HMSD: variants seen among roughly 807,000 people sequenced by gnomAD.
The protein encoded by HMSD is histocompatibility minor serpin domain containing.
A neutral mutation model predicts 10.0 loss-of-function variants in HMSD; 13 were observed. The ratio of observed to expected loss-of-function variants is 1.31; its 90% confidence interval spans 0.85 to 2.08. The LOEUF is 2.08. HMSD is among the 30% of genes most tolerant of loss of function. The probability of loss-of-function intolerance (pLI) is 0.00; values close to 1 mark genes in which losing one functional copy is unlikely to be tolerated. For missense variants in HMSD, 169 were observed against 166.3 expected (o/e 1.02, Z -0.09); for synonymous variants, 51 against 54.2 (o/e 0.94, Z 0.26).
chr18:63,955,728 C>G (rs572354972), intron 3 of HMSD, among the ~76,000 whole-genome samples: 1 of 152,006 alleles, frequency 6.6e-6, no homozygotes, highest in Non-Finnish European at 1.5e-5. Flanking sequence ...CCCTGAAAGC[C>G]GATCATCTGA....
At chr18:63,949,962 A>C (rs1172617258) in intron 1 of HMSD, among the ~76,000 whole-genome samples, 1 of 152,214 alleles carries the variant, frequency 6.6e-6, no homozygotes, top group African/African-American at 2.4e-5. Context: ...GTTGCCAGAA[A>C]GCAAAAGTGT....
chr18:63,964,411 C>T (rs973221849), downstream of HMSD, among the ~76,000 whole-genome samples: 51 of 152,088 alleles, frequency 3.4e-4, no homozygotes, highest in African/African-American at 1.2e-3. Flanking sequence ...ATGGTGGCAC[C>T]TGCCTATAGT....
chr18:63,963,101 C>CT (rs1187189535), downstream of HMSD, among the ~76,000 whole-genome samples: 1 of 132,934 alleles, frequency 7.5e-6, no homozygotes, highest in South Asian at 2.2e-4. Context: ...TTCTTTCTTT[C>CT]TTTCTTTCTT....
Position 63,953,513 on chromosome 18 carries a change from G to C in HMSD, c.58G>C (p.Ala20Pro). ...VFMGAKGNTA[A>P]QMSQALCFSK... ...CATGGGGGCAAAGGGAAACACTGCA[G>C]CTCAGATGTCTCAGGTACGTAAAGC... is the stretch of plus-strand genomic sequence containing the variant. The change falls in exon 2 of 4, where the codon GCT (alanine) becomes CCT (proline). Residue 20 changes from alanine to proline, a missense_variant. Ala to Pro is a conservative substitution (Grantham distance 27). Transcript: ENST00000408945. 6.2e-7 allele frequency: 1 copy of C among 1,613,696 alleles called. No individual in the cohort carries two copies. Among genetic ancestry groups the C allele is most frequent in the South Asian group, 1.1e-5 (1 of 91,064 alleles).
At chr18:63,956,480 C>T (rs2050359196) in intron 3 of HMSD, among the ~76,000 whole-genome samples, 1 of 152,078 alleles carries the variant, frequency 6.6e-6, no homozygotes, top group African/African-American at 2.4e-5. Context: ...CCTAGGAAAA[C>T]ATTGCCAACA....
intron 1 of HMSD, among the ~76,000 whole-genome samples, chr18:63,949,768 G>A (rs571268108): frequency 6.6e-6 from 1 of 152,312 alleles, no homozygotes; most frequent in African/African-American, 2.4e-5. Flanking sequence ...GCGCTGGAAG[G>A]GGCTGTGAGG....
rs986953537 is a variant in HMSD at position 63,961,830 on chromosome 18, A to G, written c.*1475A>G. The G allele has an allele frequency of 6.6e-6, 1 of 152,170 alleles. No individual in the cohort carries two copies. Among genetic ancestry groups the G allele is most frequent in the African/African-American group, 2.4e-5 (1 of 41,428 alleles). 9.4% of individuals were successfully genotyped at this position (152,170 alleles called of 1,614,324 possible). Reference sequence around the variant, plus strand: ...AGTTGTGACTAATAAACTGCCGCCAATTTCATCTGTCCAGTGTGTCATGCC... The same window carrying G: ...AGTTGTGACTAATAAACTGCCGCCAGTTTCATCTGTCCAGTGTGTCATGCC... On this transcript the variant is annotated 3_prime_UTR_variant, in exon 4 of 4. Transcript: ENST00000408945.
Position 63,960,138 on chromosome 18 carries a change from A to T in HMSD, c.223-20A>T. On this transcript the variant is annotated intron_variant, in intron 3 of 3. Coordinates refer to ENST00000408945, the MANE Select transcript of HMSD (RefSeq NM_001123366.2). ...TAGTTGTTTCTGTAGCTGTGAAATT[A>T]TGTTTTTGGTTTTTCCTAGGGTTTT... 1 of 1,604,848 alleles carries T rather than the reference A, an allele frequency of 6.2e-7. No individual in the cohort carries two copies. The highest frequency in any genetic ancestry group is 8.5e-7 in the Non-Finnish European group (1 of 1,176,388).
At chr18:63,949,480 C>G (rs1410979749) in intron 1 of HMSD, 80 bp downstream of exon 1, 1 of 152,342 alleles carries the variant, frequency 6.6e-6, no homozygotes, top group Non-Finnish European at 1.5e-5. Flanking sequence ...AGGGCGGGAA[C>G]CTACGAAAGG....
At chr18:63,959,786 C>T (rs919284244) in intron 3 of HMSD, among the ~76,000 whole-genome samples, 1 of 152,044 alleles carries the variant, frequency 6.6e-6, no homozygotes, top group Non-Finnish European at 1.5e-5. Flanking sequence ...CCTTTCAGTT[C>T]TATTAGTTGT....
chr18:63,965,793 T>C (rs2050406926), downstream of HMSD, among the ~76,000 whole-genome samples: 1 of 152,216 alleles, frequency 6.6e-6, no homozygotes, highest in Non-Finnish European at 1.5e-5. Context: ...TTGGCTCATA[T>C]TCTGCAGAAT....
chr18:63,950,960 T>C (rs1271494371), intron 1 of HMSD, among the ~76,000 whole-genome samples: 1 of 152,134 alleles, frequency 6.6e-6, no homozygotes, highest in African/African-American at 2.4e-5. Context: ...ACCATCACCC[T>C]AGGAAATATA....
chr18:63,949,934 C>A (rs1432015188), intron 1 of HMSD, among the ~76,000 whole-genome samples: 4 of 152,174 alleles, frequency 2.6e-5, no homozygotes, highest in Middle Eastern at 3.4e-3. Flanking sequence ...GGAAAAAAAT[C>A]AAAATGAGGA....
chr18:63,958,851 T>C (rs986233596), intron 3 of HMSD, among the ~76,000 whole-genome samples: 1 of 152,124 alleles, frequency 6.6e-6, no homozygotes, highest in Non-Finnish European at 1.5e-5. Context: ...ATGTTTCCCA[T>C]GTAATTTATG....
downstream of HMSD, among the ~76,000 whole-genome samples, chr18:63,964,643 G>A (rs1239785374): frequency 6.6e-6 from 1 of 152,184 alleles, no homozygotes; most frequent in African/African-American, 2.4e-5. Flanking sequence ...AGGAGATTTG[G>A]TTTCTGAAGA....
rs1256622649 is a variant in HMSD at position 63,961,382 on chromosome 18, T to G, written c.*1027T>G. 1 of 152,224 alleles carries G rather than the reference T, an allele frequency of 6.6e-6. No homozygotes were observed. The allele number at this position is 152,224 out of a possible 1,614,324, so 9.4% of individuals were successfully genotyped here. ...CCTAGAGGGTCTTGTGAAATTTTGT[T>G]TGTCATATTCTCTTTGAAGAGTTAT... On this transcript the variant is annotated 3_prime_UTR_variant, in exon 4 of 4. Transcript: ENST00000408945.
chr18:63,963,524 G>C (rs1179287898), downstream of HMSD, among the ~76,000 whole-genome samples: 5 of 152,270 alleles, frequency 3.3e-5, no homozygotes, highest in Non-Finnish European at 4.4e-5. Context: ...CACCGCACCA[G>C]GCCGGAAGTA....
intron 3 of HMSD, among the ~76,000 whole-genome samples, chr18:63,955,655 G>A (rs1454066763): frequency 2.6e-5 from 4 of 152,094 alleles, no homozygotes; most frequent in African/African-American, 7.2e-5. Context: ...CAAGATGGCC[G>A]ACTAAAAGGA....
At chr18:63,952,260 A>G (rs1390554445) in intron 1 of HMSD, among the ~76,000 whole-genome samples, 4 of 150,544 alleles carry the variant, frequency 2.7e-5, no homozygotes. Context: ...CAATGTGCAC[A>G]TGTACCCTAA....
Sources: gnomAD v4.1 joint callset for allele counts (sites outside exome capture counted in the v4.1 genomes callset) on GRCh38, gnomAD v4.1.1 for gene constraint, MANE v1.5 for transcripts, NCBI Gene and HGNC (gene_info 2026-07-23, HGNC 2026-07-21) for gene names.